The following SLMAP variants were observed in gnomAD, a reference collection of about 807,000 sequenced individuals.
SLMAP encodes sarcolemma associated protein.
In SLMAP, 44 loss-of-function variants were observed where a neutral mutation model predicts 128.8. That is an observed-to-expected ratio of 0.34 (90% CI 0.27 to 0.44). The LOEUF (loss-of-function observed/expected upper bound fraction) is 0.44, where lower values mean the gene tolerates loss of function less well. Ranked by LOEUF, SLMAP falls within the 20% of genes least tolerant of loss-of-function variation. The pLI is 1.00. For missense variants in SLMAP, 787 were observed against 985.3 expected (o/e 0.80, Z 2.69); for synonymous variants, 327 against 348.8 (o/e 0.94, Z 0.70).
chr3:57,763,221 A>T (rs2079035215), intron 2 of SLMAP, among the ~76,000 whole-genome samples: 1 of 151,610 alleles, frequency 6.6e-6, no homozygotes, highest in African/African-American at 2.4e-5. Flanking sequence ...AAGTTTACTT[A>T]CTAGTGGTAG....
At chr3:57,839,003 G>A (rs2093778741) in intron 3 of SLMAP, among the ~76,000 whole-genome samples, 1 of 152,080 alleles carries the variant, frequency 6.6e-6, no homozygotes, top group Admixed American at 6.6e-5. Flanking sequence ...TGCCCAGCTG[G>A]AGTGCAGTGG....
Position 57,925,863 on chromosome 3 carries a change from G to A in SLMAP, c.2464G>A (p.Val822Ile), listed in dbSNP as rs554780702. The change falls in exon 24 of 25, where the codon GTC becomes ATC. Residue 822 changes from valine to isoleucine, a missense_variant. This residue lies in a region of SLMAP where 715 missense variants were observed against 843.6 expected (regional missense o/e 0.85). Transcript: ENST00000671191. ...KGNNPSILQP[V>I]PAVFIGLFLA... is the part of the protein sequence containing the mutation. ...TCTTTAGCCTTCCATATTACAACCCGTCCCAGCCGTATTCATCGGCCTATT... is the reference window on the plus strand; with the variant it reads ...TCTTTAGCCTTCCATATTACAACCCATCCCAGCCGTATTCATCGGCCTATT... 4.9e-5 allele frequency: 76 copies of A among 1,550,628 alleles called. No homozygotes were observed. Among genetic ancestry groups the A allele is most frequent in the Non-Finnish European group, 5.8e-5 (67 of 1,146,876 alleles).
At chr3:57,763,662 AG>A (rs764071030) in intron 2 of SLMAP, among the ~76,000 whole-genome samples, 7 of 152,116 alleles carry the variant, frequency 4.6e-5, no homozygotes, top group Non-Finnish European at 8.8e-5. Context: ...CAAACTGATG[AG>A]GATTTGTTAT....
chr3:57,821,753 G>C (rs902468712), intron 2 of SLMAP, among the ~76,000 whole-genome samples: 1 of 152,102 alleles, frequency 6.6e-6, no homozygotes, highest in Non-Finnish European at 1.5e-5. Flanking sequence ...CATCAACTCT[G>C]TCAGTAGTGC....
At chr3:57,762,245 G>A (rs896121985) in intron 2 of SLMAP, among the ~76,000 whole-genome samples, 19 of 151,446 alleles carry the variant, frequency 1.3e-4, no homozygotes, top group Non-Finnish European at 2.4e-4. Context: ...GCATGTGCCT[G>A]CAATCCCAGC....
At chr3:57,836,323 A>C (rs2093638887) in intron 3 of SLMAP, among the ~76,000 whole-genome samples, 1 of 152,156 alleles carries the variant, frequency 6.6e-6, no homozygotes, top group Non-Finnish European at 1.5e-5. Context: ...TTATGTATTT[A>C]TATAAACTAA....
At chr3:57,779,860 C>G (rs1002838722) in intron 2 of SLMAP, among the ~76,000 whole-genome samples, 2 of 152,162 alleles carry the variant, frequency 1.3e-5, no homozygotes, top group East Asian at 3.9e-4. Context: ...AGTCTGTGCT[C>G]TGAATGACTA....
chr3:57,813,839 T>C (rs1388477778), intron 2 of SLMAP, among the ~76,000 whole-genome samples: 1 of 152,184 alleles, frequency 6.6e-6, no homozygotes, highest in East Asian at 1.9e-4. Flanking sequence ...CTAGAGCCAG[T>C]TATCACTAAT....
At chr3:57,762,739 G>A (rs1430068332) in intron 2 of SLMAP, among the ~76,000 whole-genome samples, 9 of 119,410 alleles carry the variant, frequency 7.5e-5, no homozygotes, top group Non-Finnish European at 1.3e-4. Flanking sequence ...TTTTTGAGCC[G>A]GAGTCTTGCC....
intron 14 of SLMAP, among the ~76,000 whole-genome samples, chr3:57,875,886 A>G (rs1210974608): frequency 6.6e-6 from 1 of 152,230 alleles, no homozygotes; most frequent in Admixed American, 6.5e-5. Flanking sequence ...AAGCAAGACA[A>G]ATTCAGCAAA....
At chr3:57,851,267 T>C (rs1397453677) in intron 6 of SLMAP, among the ~76,000 whole-genome samples, 2 of 152,102 alleles carry the variant, frequency 1.3e-5, no homozygotes, top group Non-Finnish European at 2.9e-5. Context: ...AATAATTTCT[T>C]GGTGTAGAGC....
chr3:57,861,464 C>T (rs1195627845), intron 9 of SLMAP, among the ~76,000 whole-genome samples: 1 of 152,066 alleles, frequency 6.6e-6, no homozygotes, highest in Non-Finnish European at 1.5e-5. Context: ...GTAAACATAC[C>T]TTTCCTTACT....
chr3:57,908,915 C>CT (rs2096628183), intron 18 of SLMAP, among the ~76,000 whole-genome samples, 161 bp from the exon 19 acceptor site: 1 of 152,186 alleles, frequency 6.6e-6, no homozygotes, highest in South Asian at 2.1e-4. Context: ...CTCCTAAAAT[C>CT]TTTAAACTAA....
intron 14 of SLMAP, among the ~76,000 whole-genome samples, chr3:57,873,605 T>C (rs2095534611): frequency 1.3e-5 from 2 of 152,202 alleles, no homozygotes; most frequent in Non-Finnish European, 2.9e-5. Flanking sequence ...CTCATTTTCA[T>C]GGGAAATTGG....
intron 6 of SLMAP, among the ~76,000 whole-genome samples, chr3:57,856,164 T>G (rs1425100509): frequency 6.6e-6 from 1 of 151,906 alleles, no homozygotes; most frequent in Admixed American, 6.6e-5. Context: ...GAGCCATCAC[T>G]TAGTGACATC....
At chr3:57,857,688 T>C in intron 6 of SLMAP, 45 bp from the exon 7 acceptor site, 1 of 1,272,480 alleles carries the variant, frequency 7.9e-7, no homozygotes. Context: ...CTCAAAAGAA[T>C]CATGATGAGC....
intron 14 of SLMAP, among the ~76,000 whole-genome samples, chr3:57,885,435 T>G (rs2095855428): frequency 6.7e-6 from 1 of 149,624 alleles, no homozygotes; most frequent in African/African-American, 2.5e-5. Context: ...TTTTTTTTTT[T>G]TTGAGACAGA....
At chr3:57,812,012 C>G (rs1264306319) in intron 2 of SLMAP, among the ~76,000 whole-genome samples, 1 of 152,090 alleles carries the variant, frequency 6.6e-6, no homozygotes, top group Non-Finnish European at 1.5e-5. Flanking sequence ...ATATTTTCTC[C>G]CATTCTGTGC....
chr3:57,912,147 C>T (rs1181072435), intron 19 of SLMAP: 1 of 422,022 alleles, frequency 2.4e-6, no homozygotes, highest in Non-Finnish European at 4.3e-6. Flanking sequence ...AGGAAAAAAT[C>T]CAGAAGGAAT....
Sources: allele counts gnomAD v4.1 joint callset (sites outside exome capture counted in the v4.1 genomes callset), GRCh38; gene constraint gnomAD v4.1.1; regional missense constraint gnomAD v4.1.1; transcripts MANE v1.5; gene names NCBI Gene and HGNC (gene_info 2026-07-23, HGNC 2026-07-21).